RNF20: variants seen among roughly 807,000 people sequenced by gnomAD.
RNF20 encodes ring finger protein 20.
In RNF20, 84 loss-of-function variants were observed where a neutral mutation model predicts 126.2. That is an observed-to-expected ratio of 0.67 (90% CI 0.56 to 0.80). The LOEUF is 0.80. Among genes scored for constraint, RNF20 ranks in the 30% least tolerant of loss-of-function variants. The probability of loss-of-function intolerance (pLI) is 0.00; values close to 1 mark genes in which losing one functional copy is unlikely to be tolerated. For missense variants in RNF20, 869 were observed against 1,188.2 expected (o/e 0.73, Z 3.95); for synonymous variants, 400 against 414.3 (o/e 0.97, Z 0.42).
chr9:101,546,931 C>A lies in RNF20; in HGVS notation c.859C>A (p.Arg287=). The A allele has an allele frequency of 6.2e-7, 1 of 1,614,042 alleles. No individual in the cohort carries two copies. The highest frequency in any genetic ancestry group is 1.1e-5 in the South Asian group (1 of 91,068). The change falls in exon 7 of 20, where the codon CGA becomes AGA. Residue 287 remains arginine, a synonymous_variant. Coordinates refer to ENST00000389120, the MANE Select transcript of RNF20 (RefSeq NM_019592.7). ...DIDKIRKREQ[R]LNRHLAEVLE... ...TGACAAAATTCGAAAGAGGGAACAG[C>A]GACTCAACCGACACTTAGCAGAAGT...
chr9:101,552,792 G>A (rs368093248), intron 13 of RNF20, 39 bp downstream of exon 13: 38 of 1,545,922 alleles, frequency 2.5e-5, no homozygotes, highest in Non-Finnish European at 3.0e-5. Flanking sequence ...CGACTGAAAA[G>A]CTAAGATTAA....
intron 5 of RNF20, 22 bp downstream of exon 5, chr9:101,540,997 C>A (rs756580481): frequency 1.3e-6 from 2 of 1,598,406 alleles, no homozygotes; most frequent in East Asian, 2.2e-5. Flanking sequence ...CCCTGGAGGC[C>A]GGGAGTAGTG....
Position 101,552,707 on chromosome 9 carries a change from C to T in RNF20, c.1855C>T (p.Arg619Trp), listed in dbSNP as rs139776458. 2.6e-5 allele frequency: 42 copies of T among 1,591,820 alleles called. No homozygotes were observed. In the Middle Eastern group the frequency reaches 5.0e-4, roughly 19 times the overall value. The stretch of plus-strand genomic sequence containing the variant: ...AGAGAAAGGCAAACATGATGATGGA[C>T]GGAAAAAGGAAGCAGAAATTATCAA... ...DKEKGKHDDGRKKEAEIIKQL... is the reference protein window; with the variant it reads ...DKEKGKHDDGWKKEAEIIKQL... Residue 619 changes from arginine to tryptophan, a missense_variant, in exon 13 of 20, where the codon CGG becomes TGG. Arg to Trp is a moderately radical substitution (Grantham distance 101). Transcript: ENST00000389120.
intron 6 of RNF20, 152 bp from the exon 7 acceptor site, chr9:101,546,668 C>A: frequency 1.4e-6 from 1 of 695,832 alleles, no homozygotes; most frequent in Non-Finnish European, 2.4e-6. Flanking sequence ...TTGGAGGAAT[C>A]CGTGATTTCA....
At chr9:101,537,476 T>G (rs1827201789) in intron 2 of RNF20, among the ~76,000 whole-genome samples, 6 of 152,190 alleles carry the variant, frequency 3.9e-5, no homozygotes, top group Admixed American at 3.9e-4. Flanking sequence ...GGATAGGTAG[T>G]TAATAAGCTG....
chr9:101,552,615 AG>A lies in RNF20; in HGVS notation c.1765del (p.Glu589ArgfsTer9). ...CGAGAAAGAGAACGGGAGAAGGAGA[AG>A]GAGAGAGAACGAGAGAAGCAGAAGC... ...REREREREKE[K>X]EREREKQKLK... On this transcript the variant is annotated frameshift_variant, in exon 13 of 20. Coordinates refer to ENST00000389120, the MANE Select transcript of RNF20 (RefSeq NM_019592.7). LOFTEE classifies it high-confidence loss of function. The A allele has an allele frequency of 1.3e-6, 2 of 1,546,566 alleles. No individual in the cohort carries two copies. Among genetic ancestry groups the A allele is most frequent in the Non-Finnish European group, 1.8e-6 (2 of 1,118,470 alleles).
intron 5 of RNF20, among the ~76,000 whole-genome samples, chr9:101,543,563 G>A (rs369729681): frequency 3.3e-4 from 49 of 149,760 alleles, no homozygotes; most frequent in Middle Eastern, 3.7e-3. Context: ...CTGCCAGGGC[G>A]GCACTGTCTA....
Position 101,550,670 on chromosome 9 carries a change from C to T in RNF20, c.1157C>T (p.Ser386Leu). The change falls in exon 10 of 20, where the codon TCA (serine) becomes TTA (leucine). Residue 386 changes from serine to leucine, a missense_variant. This residue lies in a region of RNF20 where 153 missense variants were observed against 226.4 expected (regional missense o/e 0.68). Coordinates refer to ENST00000389120, the MANE Select transcript of RNF20 (RefSeq NM_019592.7). ...KETPEYRCMQSQFSVLYNESL... is the reference protein window; with the variant it reads ...KETPEYRCMQLQFSVLYNESL... ...ACTCCAGAATATCGCTGCATGCAGT[C>T]ACAGTTCTCCGTCTTGTATAATGAG... is the stretch of plus-strand genomic sequence containing the variant. The T allele has an allele frequency of 6.2e-7, 1 of 1,614,086 alleles. No individual in the cohort carries two copies. The highest frequency in any genetic ancestry group is 1.3e-5 in the African/African-American group (1 of 75,034).
intron 13 of RNF20, among the ~76,000 whole-genome samples, chr9:101,553,605 G>A (rs1827483957): frequency 1.3e-5 from 2 of 151,352 alleles, no homozygotes; most frequent in Admixed American, 1.3e-4. Flanking sequence ...TTCTGGTGTG[G>A]TATCAGAATC....
chr9:101,535,619 C>G, intron 2 of RNF20, 67 bp downstream of exon 2: 1 of 1,547,118 alleles, frequency 6.5e-7, no homozygotes, highest in African/African-American at 1.4e-5. Flanking sequence ...ACTAAAAATT[C>G]ATGGAAGCTT....
At chr9:101,550,232 C>A (rs962609842) in intron 9 of RNF20, among the ~76,000 whole-genome samples, 10 of 152,132 alleles carry the variant, frequency 6.6e-5, no homozygotes, top group African/African-American at 2.2e-4. Flanking sequence ...ATTTTTGATA[C>A]CCTGTCAATT....
In RNF20 at chr9:101,561,088, A is replaced by G. The variant is rs749803096; in HGVS notation, c.2509-2A>G. On this transcript the variant is annotated splice_acceptor_variant, in intron 17 of 19. Coordinates refer to ENST00000389120, the MANE Select transcript of RNF20 (RefSeq NM_019592.7). LOFTEE classifies it high-confidence loss of function. ...TGTCACTTATTTGTACATCCTACATAGGCAATGGAGGCAGCCCAGCTTGCA... is the reference window on the plus strand; with the variant it reads ...TGTCACTTATTTGTACATCCTACATGGGCAATGGAGGCAGCCCAGCTTGCA... 1 of 1,613,404 alleles carries G rather than the reference A, an allele frequency of 6.2e-7. No individual in the cohort carries two copies. Among genetic ancestry groups the G allele is most frequent in the Non-Finnish European group, 8.5e-7 (1 of 1,179,608 alleles).
intron 10 of RNF20, 97 bp from the exon 11 acceptor site, chr9:101,551,587 A>T: frequency 1.7e-6 from 1 of 573,970 alleles, no homozygotes. Flanking sequence ...CATTACGTAT[A>T]GATTGAACTG....
chr9:101,551,976 T>A (rs1340068373), intron 11 of RNF20, among the ~76,000 whole-genome samples, 157 bp downstream of exon 11: 2 of 152,244 alleles, frequency 1.3e-5, no homozygotes, highest in African/African-American at 4.8e-5. Context: ...GGATGTTTGT[T>A]TTTTAACTCA....
In RNF20 at chr9:101,540,812, T is replaced by C. The variant is rs1233632742; in HGVS notation, c.465T>C (p.Ala155=). 6.2e-7 allele frequency: 1 copy of C among 1,613,908 alleles called. No individual in the cohort carries two copies. The highest frequency in any genetic ancestry group is 8.5e-7 in the Non-Finnish European group (1 of 1,180,008). ...DRERGEGQEP[A]FSFLATLASS... Reference sequence around the variant, plus strand: ...CCTCAGGGGAAGGGCAAGAGCCAGCTTTCTCTTTCCTTGCTACTTTGGCCA... The same window carrying C: ...CCTCAGGGGAAGGGCAAGAGCCAGCCTTCTCTTTCCTTGCTACTTTGGCCA... Residue 155 remains alanine (A), a synonymous_variant, in exon 5 of 20, where the codon GCT becomes GCC. Coordinates refer to ENST00000389120, the MANE Select transcript of RNF20 (RefSeq NM_019592.7).
intron 2 of RNF20, among the ~76,000 whole-genome samples, chr9:101,537,762 T>C (rs1827205596): frequency 6.6e-6 from 1 of 152,196 alleles, no homozygotes; most frequent in Admixed American, 6.5e-5. Context: ...GTGCTGCTGA[T>C]GTGTTCTCAT....
chr9:101,541,164 G>A (rs1287923296), intron 5 of RNF20, among the ~76,000 whole-genome samples, 189 bp downstream of exon 5: 4 of 152,020 alleles, frequency 2.6e-5, no homozygotes, highest in Non-Finnish European at 4.4e-5. Flanking sequence ...TTGAATCCTC[G>A]AACTCAAGCA....
rs748102372 is a variant in RNF20 at position 101,544,836 on chromosome 9, A to G, written c.698A>G (p.Gln233Arg). The change falls in exon 6 of 20, where the codon CAG (glutamine) becomes CGG (arginine). Residue 233 changes from glutamine (Q) to arginine (R), a missense_variant. Around this residue, in one of 8 missense-constraint regions of RNF20, gnomAD observed 103 missense variants for 94.3 expected, o/e 1.09. Transcript: ENST00000389120. The part of the protein sequence containing the change: ...SFLAQENMRL[Q>R]ELTDLLQEKH... Reference sequence around the variant, plus strand: ...CTCGCACAGGAGAATATGAGGCTACAGGAATTGACAGATCTTCTTCAGGAA... The same window carrying G: ...CTCGCACAGGAGAATATGAGGCTACGGGAATTGACAGATCTTCTTCAGGAA... 12 of 1,613,846 alleles carry G rather than the reference A, an allele frequency of 7.4e-6. No homozygotes were observed. The highest frequency in any genetic ancestry group is 6.8e-6 in the Non-Finnish European group (8 of 1,179,820).
chr9:101,550,455 A>G, intron 9 of RNF20, 151 bp from the exon 10 acceptor site: 2 of 670,744 alleles, frequency 3.0e-6, no homozygotes, highest in South Asian at 4.2e-5. Context: ...GGTAGATTTT[A>G]CATAACTACA....
Sources: gnomAD v4.1 joint callset for allele counts (sites outside exome capture counted in the v4.1 genomes callset) on GRCh38, gnomAD v4.1.1 for gene constraint, gnomAD v4.1.1 regional missense constraint, MANE v1.5 for transcripts, NCBI Gene and HGNC (gene_info 2026-07-23, HGNC 2026-07-21) for gene names.